ARHGAP17: variants seen among roughly 807,000 people sequenced by gnomAD.
ARHGAP17 encodes rho GTPase-activating protein 17.
ARHGAP17 carries 57 observed loss-of-function variants against 99.5 expected under a neutral mutation model. The observed-to-expected ratio is 0.57, with a 90% confidence interval of 0.46 to 0.71. The LOEUF (loss-of-function observed/expected upper bound fraction) is 0.71. Among genes scored for constraint, ARHGAP17 ranks in the 30% least tolerant of loss-of-function variants. ARHGAP17 has a pLI of 0.00. For missense variants in ARHGAP17, 1,000 were observed against 1,122.4 expected (o/e 0.89, Z 1.56); for synonymous variants, 417 against 429.6 (o/e 0.97, Z 0.36).
At chr16:24,971,837 G>A (rs1253313419) in intron 3 of ARHGAP17, among the ~76,000 whole-genome samples, 1 of 152,210 alleles carries the variant, frequency 6.6e-6, no homozygotes, top group East Asian at 1.9e-4. Context: ...AGCCGAAGGA[G>A]GTCAAGTGGC....
At chr16:25,008,654 CG>C (rs2053567211) in intron 1 of ARHGAP17, among the ~76,000 whole-genome samples, 1 of 152,318 alleles carries the variant, frequency 6.6e-6, no homozygotes, top group African/African-American at 2.4e-5. Context: ...CTGACTGCAG[CG>C]CCCTAGGCCA....
Position 24,978,951 on chromosome 16 carries a change from A to G in ARHGAP17, c.93+15T>C. The G allele has an allele frequency of 6.3e-7, 1 of 1,577,672 alleles. No homozygotes were observed. The highest frequency in any genetic ancestry group is 1.4e-5 in the African/African-American group (1 of 72,752). On this transcript the variant is annotated intron_variant, in intron 2 of 19. Transcript: ENST00000289968. ...CCTTTAAACAGATCATTTAAAGGAG[A>G]CTATATTTTGTTACCTGTAATAGAT...
intron 19 of ARHGAP17, among the ~76,000 whole-genome samples, chr16:24,926,897 C>T (rs137943206): frequency 2.6e-5 from 4 of 152,230 alleles, no homozygotes; most frequent in East Asian, 1.9e-4. Context: ...AGGCCGGGTC[C>T]GGGCGTATGA....
chr16:24,950,810 C>A (rs1394381232), intron 12 of ARHGAP17, among the ~76,000 whole-genome samples: 18 of 132,532 alleles, frequency 1.4e-4, no homozygotes. Flanking sequence ...GCACTCCAGC[C>A]TGGGCGACAG....
intron 14 of ARHGAP17, among the ~76,000 whole-genome samples, chr16:24,945,723 T>G (rs1299095218): frequency 6.6e-6 from 1 of 152,184 alleles, no homozygotes; most frequent in Non-Finnish European, 1.5e-5. Flanking sequence ...CTTCCTCCCA[T>G]GTGGAATCTG....
chr16:25,007,169 A>G lies in ARHGAP17; in HGVS notation c.53+8040T>C, dbSNP rs554815755. Among the ~76,000 whole-genome samples the G allele has an allele frequency of 2.1e-4, 32 of 152,338 alleles. No individual in the cohort carries two copies. The East Asian group carries it at 5.8e-3, about 28-fold the overall frequency. ...CAAGATAAATAAGTTTAAAGTTTCA[A>G]ATTTACAGATGAAAATTTCCTAATG... On this transcript the variant is annotated intron_variant, in intron 1 of 19. Coordinates refer to ENST00000289968, the MANE Select transcript of ARHGAP17 (RefSeq NM_001006634.3).
intron 1 of ARHGAP17, among the ~76,000 whole-genome samples, chr16:24,982,713 C>T (rs2052709413): frequency 6.6e-6 from 1 of 151,898 alleles, no homozygotes; most frequent in Admixed American, 6.6e-5. Context: ...TTCACCTTTA[C>T]CAGAGATATG....
intron 3 of ARHGAP17, among the ~76,000 whole-genome samples, chr16:24,973,893 G>A (rs1168729752): frequency 6.6e-6 from 1 of 152,244 alleles, no homozygotes; most frequent in Non-Finnish European, 1.5e-5. Context: ...ATAGAACTGT[G>A]AGGGACAGTG....
At chr16:24,935,996 C>T (rs894435773) in intron 17 of ARHGAP17, 8 of 338,184 alleles carry the variant, frequency 2.4e-5, no homozygotes, top group Middle Eastern at 1.0e-3. Flanking sequence ...TGGACTCCAA[C>T]GACTCTGCCA....
Position 24,939,425 on chromosome 16 carries a change from C to A in ARHGAP17, c.1663G>T (p.Gly555Cys), listed in dbSNP as rs752448050. 3.7e-5 allele frequency: 60 copies of A among 1,611,912 alleles called. No homozygotes were observed. The highest frequency in any genetic ancestry group is 4.6e-5 in the Non-Finnish European group (54 of 1,179,872). The change falls in exon 17 of 20, where the codon GGT (glycine) becomes TGT (cysteine). Residue 555 changes from glycine to cysteine, a missense_variant. Gly to Cys is a radical substitution (Grantham distance 159). Transcript: ENST00000289968. ...QSSRAESSSG[G>C]GTVPSSAGIL... ...CCCGCGGAAGAGGGGACAGTCCCAC[C>A]CCCAGAGCTGCTTTCAGCCCTAGAG... is the stretch of plus-strand genomic sequence containing the variant.
rs758456098 is a variant in ARHGAP17, at chr16:24,949,469, G to A, written c.1062C>T (p.Asp354=). ...TTCTCCACAAGTCTTGAAGTTTTTT[G>A]TCTTGATCCTGCACACTGAGAACAA... ...WTQVASVQDQ[D]KKLQDLWRTC... Residue 354 remains aspartate (D), a synonymous_variant, in exon 13 of 20, where the codon GAC becomes GAT. Coordinates refer to ENST00000289968, the MANE Select transcript of ARHGAP17 (RefSeq NM_001006634.3). 1.2e-6 allele frequency: 2 copies of A among 1,613,444 alleles called. No individual in the cohort carries two copies. The highest frequency in any genetic ancestry group is 1.1e-5 in the South Asian group (1 of 90,942).
chr16:24,942,954 A>C (rs1348226221), intron 15 of ARHGAP17, among the ~76,000 whole-genome samples: 1 of 152,168 alleles, frequency 6.6e-6, no homozygotes, highest in Non-Finnish European at 1.5e-5. Flanking sequence ...ATGAGGCGTG[A>C]TTCCTGATGG....
chr16:24,981,053 A>G (rs1200878486), intron 1 of ARHGAP17, among the ~76,000 whole-genome samples: 3 of 152,214 alleles, frequency 2.0e-5, no homozygotes, highest in Non-Finnish European at 4.4e-5. Flanking sequence ...TACAATCCCA[A>G]TGTGGGCTAT....
chr16:24,990,423 C>A (rs1178045849), intron 1 of ARHGAP17, among the ~76,000 whole-genome samples: 1 of 151,886 alleles, frequency 6.6e-6, no homozygotes, highest in Admixed American at 6.6e-5. Context: ...GAGGTCAAGA[C>A]TTCAGTGAGC....
chr16:24,986,826 G>A (rs774082677), intron 1 of ARHGAP17, among the ~76,000 whole-genome samples: 7 of 152,264 alleles, frequency 4.6e-5, no homozygotes, highest in Non-Finnish European at 8.8e-5. Flanking sequence ...TCTCTTCCTC[G>A]ACATTCTGCC....
At chr16:24,973,299 C>G (rs1000509424) in intron 3 of ARHGAP17, among the ~76,000 whole-genome samples, 6 of 152,192 alleles carry the variant, frequency 3.9e-5, no homozygotes, top group Non-Finnish European at 8.8e-5. Context: ...ATGTCTCTCT[C>G]TTCCCTTCTA....
intron 6 of ARHGAP17, 121 bp downstream of exon 6, chr16:24,968,230 C>T (rs2052249463): frequency 9.0e-7 from 1 of 1,113,708 alleles, no homozygotes. Context: ...GGCAGGCTGG[C>T]ACCCAGTCTG....
chr16:24,996,950 T>C (rs2053210876), intron 1 of ARHGAP17, among the ~76,000 whole-genome samples: 1 of 152,028 alleles, frequency 6.6e-6, no homozygotes. Flanking sequence ...GTCTAGAATA[T>C]GGAGAAATCA....
chr16:24,931,253 C>T lies in ARHGAP17; in HGVS notation c.2046G>A (p.Thr682=), dbSNP rs773611148. The T allele has an allele frequency of 1.3e-5, 16 of 1,229,238 alleles. No homozygotes were observed. The highest frequency in any genetic ancestry group is 4.7e-5 in the East Asian group (1 of 21,402). 76.1% of individuals were successfully genotyped at this position (1,229,238 alleles called of 1,614,324 possible). A position where few individuals can be genotyped will look rare whatever the true frequency, so the allele number is the denominator to read the frequency against. The part of the protein sequence containing the change: ...TRSPSPPTQH[T]GQPPGQPSAP... ...CGGAGGGCTGGCCTGGAGGCTGGCC[C>T]GTGTGCTGGGTGGGAGGAGAGGGGC... The change falls in exon 19 of 20, where the codon ACG becomes ACA. Residue 682 remains threonine, a synonymous_variant. Coordinates refer to ENST00000289968, the MANE Select transcript of ARHGAP17 (RefSeq NM_001006634.3).
Sources: gnomAD v4.1 joint callset for allele counts (sites outside exome capture counted in the v4.1 genomes callset) on GRCh38, gnomAD v4.1.1 for gene constraint, MANE v1.5 for transcripts, NCBI Gene and HGNC (gene_info 2026-07-23, HGNC 2026-07-21) for gene names.